The following CDK19 variants were observed in gnomAD, a reference collection of about 807,000 sequenced individuals.
CDK19 encodes the protein cyclin-dependent kinase 19.
Under a neutral mutation model 68.3 loss-of-function variants are expected in CDK19, and 20 were observed. The observed-to-expected ratio is 0.29, with a 90% CI of 0.21 to 0.43. The LOEUF is 0.43. CDK19 is among the 20% of genes least tolerant of loss of function. The pLI, the probability that CDK19 is intolerant of heterozygous loss-of-function variation, is 1.00. For missense variants in CDK19, 339 were observed against 623.5 expected (o/e 0.54, Z 4.86); for synonymous variants, 221 against 222.8 (o/e 0.99, Z 0.07).
At chr6:110,630,945 T>C (rs1410818776) in intron 6 of CDK19, among the ~76,000 whole-genome samples, 1 of 152,184 alleles carries the variant, frequency 6.6e-6, no homozygotes, top group Non-Finnish European at 1.5e-5. Flanking sequence ...CTTACTATAT[T>C]TTAATTTTTG....
intron 1 of CDK19, among the ~76,000 whole-genome samples, chr6:110,789,081 T>C (rs985607292): frequency 2.0e-5 from 3 of 152,192 alleles, no homozygotes; most frequent in Non-Finnish European, 4.4e-5. Context: ...TAAGCGTGTA[T>C]CTGCAACACT....
chr6:110,614,294 C>G lies in CDK19; in HGVS notation c.*241G>C, dbSNP rs1363119673. ...GCTGGGATTAGATCAGACGCTTTATCAGAGAAGTCACAATGGAACACATGC... is the reference window on the plus strand; with the variant it reads ...GCTGGGATTAGATCAGACGCTTTATGAGAGAAGTCACAATGGAACACATGC... On this transcript the variant is annotated 3_prime_UTR_variant, in exon 13 of 13. Transcript: ENST00000368911. The G allele has an allele frequency of 1.1e-5, 4 of 374,218 alleles. No homozygotes were observed. The Admixed American group carries it at 1.6e-4, about 15-fold the overall frequency. The allele number at this position is 374,218 out of a possible 1,614,324, so 23.2% of individuals were successfully genotyped here.
At chr6:110,756,481 G>C (rs1778846349) in intron 1 of CDK19, among the ~76,000 whole-genome samples, 1 of 151,246 alleles carries the variant, frequency 6.6e-6, no homozygotes, top group South Asian at 2.1e-4. Context: ...AAGATCACTT[G>C]AGCCAGGAAA....
chr6:110,683,617 C>T (rs1012672992), intron 2 of CDK19, among the ~76,000 whole-genome samples: 3 of 151,806 alleles, frequency 2.0e-5, no homozygotes, highest in African/African-American at 4.8e-5. Flanking sequence ...TATCTGAAAC[C>T]AAGTAAGCTT....
At chr6:110,617,946 T>C (rs1433529287) in intron 12 of CDK19, among the ~76,000 whole-genome samples, 2 of 150,306 alleles carry the variant, frequency 1.3e-5, no homozygotes, top group Non-Finnish European at 2.9e-5. Context: ...TATATGCTCA[T>C]TAACATTCTA....
At chr6:110,688,784 G>A (rs1225119024) in intron 2 of CDK19, among the ~76,000 whole-genome samples, 3 of 152,158 alleles carry the variant, frequency 2.0e-5, no homozygotes. Flanking sequence ...ACCTCACAGG[G>A]GACCTCGTGG....
intron 1 of CDK19, among the ~76,000 whole-genome samples, chr6:110,770,041 T>C (rs1794590): frequency 0.29 from 43,914 of 152,026 alleles, 6,995 homozygotes; most frequent in East Asian, 0.68. Context: ...CCCCAATAAA[T>C]AGCCTGAAAT....
chr6:110,776,429 C>CA (rs56306619), intron 1 of CDK19, among the ~76,000 whole-genome samples: 7,174 of 126,934 alleles, frequency 0.057, 560 homozygotes, highest in East Asian at 0.36. Context: ...AACTCTGTCT[C>CA]AAAAAAAAAA....
chr6:110,725,671 A>G (rs1051356725), intron 2 of CDK19, among the ~76,000 whole-genome samples: 2 of 152,194 alleles, frequency 1.3e-5, no homozygotes, highest in African/African-American at 2.4e-5. Flanking sequence ...TCTCATAAGC[A>G]GCCAATCAGC....
At chr6:110,745,067 A>T (rs903232625) in intron 2 of CDK19, among the ~76,000 whole-genome samples, 4 of 152,230 alleles carry the variant, frequency 2.6e-5, no homozygotes, top group Admixed American at 2.0e-4. Flanking sequence ...AGAGACAAAC[A>T]TCTCTAATAG....
Position 110,745,140 on chromosome 6 carries a change from T to A in CDK19, c.204+986A>T, listed in dbSNP as rs74649192. Among the ~76,000 whole-genome samples the A allele has an allele frequency of 1.3e-4, 20 of 152,338 alleles. No homozygotes were observed. The East Asian group carries it at 3.9e-3, about 29-fold the overall frequency. Reference sequence around the variant, plus strand: ...ACTGAAGAACTAAAATAAGGTAATATAATAGTAAGCCTTCTGAGCTATAAT... The same window carrying A: ...ACTGAAGAACTAAAATAAGGTAATAAAATAGTAAGCCTTCTGAGCTATAAT... On this transcript the variant is annotated intron_variant, in intron 2 of 12. Transcript: ENST00000368911.
intron 4 of CDK19, among the ~76,000 whole-genome samples, chr6:110,656,906 A>G (rs1039013540): frequency 2.3e-4 from 35 of 152,262 alleles, no homozygotes; most frequent in African/African-American, 7.7e-4. Context: ...TGGTAGGAAT[A>G]ATGCTACAAA....
chr6:110,677,231 G>A (rs770170094), intron 2 of CDK19, among the ~76,000 whole-genome samples: 1 of 152,082 alleles, frequency 6.6e-6, no homozygotes, highest in Non-Finnish European at 1.5e-5. Flanking sequence ...AAGAGATGAG[G>A]CAAAGACCAT....
chr6:110,791,437 C>A (rs9481110), intron 1 of CDK19, among the ~76,000 whole-genome samples: 2,062 of 151,654 alleles, frequency 0.014, 58 homozygotes, highest in African/African-American at 0.047. Flanking sequence ...GAAAAAAGGA[C>A]AGAACACAAC....
chr6:110,777,409 T>C (rs1054928881), intron 1 of CDK19, among the ~76,000 whole-genome samples: 4 of 151,902 alleles, frequency 2.6e-5, no homozygotes, highest in South Asian at 4.1e-4. Flanking sequence ...AAAATCTCAA[T>C]ACAATAAGAT....
intron 1 of CDK19, among the ~76,000 whole-genome samples, chr6:110,797,647 T>C (rs539922304): frequency 6.6e-6 from 1 of 152,250 alleles, no homozygotes; most frequent in African/African-American, 2.4e-5. Context: ...TCTGAAGCAA[T>C]AGCTACTATA....
intron 2 of CDK19, among the ~76,000 whole-genome samples, chr6:110,686,750 T>G (rs1772523608): frequency 6.6e-6 from 1 of 152,240 alleles, no homozygotes; most frequent in South Asian, 2.1e-4. Context: ...ATCATAGGTT[T>G]GAAAAATAAT....
chr6:110,689,107 A>G (rs763667630), intron 2 of CDK19, among the ~76,000 whole-genome samples: 17 of 152,126 alleles, frequency 1.1e-4, no homozygotes, highest in Non-Finnish European at 2.2e-4. Flanking sequence ...GTGCATGGGA[A>G]CTGGGTGGGG....
At chr6:110,789,701 T>C (rs767921675) in intron 1 of CDK19, among the ~76,000 whole-genome samples, 43 of 152,220 alleles carry the variant, frequency 2.8e-4, no homozygotes, top group Non-Finnish European at 5.3e-4. Context: ...TGAGTCACCA[T>C]GCCTGGCCAA....
Sources: allele counts gnomAD v4.1 joint callset (sites outside exome capture counted in the v4.1 genomes callset), GRCh38; gene constraint gnomAD v4.1.1; transcripts MANE v1.5; gene names NCBI Gene and HGNC (gene_info 2026-07-23, HGNC 2026-07-21).